The following CEP170B variants were observed in gnomAD, a reference collection of about 807,000 sequenced individuals.
CEP170B encodes centrosomal protein of 170 kDa protein B.
In CEP170B, 55 loss-of-function variants were observed where a neutral mutation model predicts 120.6. That is an observed-to-expected ratio of 0.46 (90% CI 0.37 to 0.57). CEP170B has a LOEUF of 0.57. Ranked by LOEUF, CEP170B falls within the 20% of genes least tolerant of loss-of-function variation. CEP170B has a pLI of 0.00. For missense variants in CEP170B, 2,212 were observed against 2,253.3 expected, an observed-to-expected ratio of 0.98 and a Z score of 0.37; for synonymous variants, 1,033 against 954.5, an observed-to-expected ratio of 1.08 and a Z score of -1.52.
Position 104,886,868 on chromosome 14 carries a change from C to T in CEP170B, c.2629C>T (p.Pro877Ser). The T allele has an allele frequency of 6.2e-7, 1 of 1,610,566 alleles. No individual in the cohort carries two copies. Among genetic ancestry groups the T allele is most frequent in the Non-Finnish European group, 8.5e-7 (1 of 1,179,800 alleles). Residue 877 changes from proline to serine, a missense_variant, in exon 12 of 19, where the codon CCC becomes TCC. Pro to Ser is a moderately conservative substitution (Grantham distance 74, BLOSUM62 -1). Around this residue, in one of 2 missense-constraint regions of CEP170B, gnomAD observed 2,166 missense variants for 2,166.7 expected, o/e 1.00. Transcript: ENST00000414716. ...ESFTKEPASG[P>S]PAPGKPPHIS... Reference sequence around the variant, plus strand: ...CTTCACTAAGGAGCCAGCCAGTGGTCCCCCAGCGCCCGGCAAGCCCCCCCA... The same window carrying T: ...CTTCACTAAGGAGCCAGCCAGTGGTTCCCCAGCGCCCGGCAAGCCCCCCCA...
At chr14:104,892,089 G>T (rs1481679834) in intron 13 of CEP170B, among the ~76,000 whole-genome samples, 1 of 152,134 alleles carries the variant, frequency 6.6e-6, no homozygotes, top group Non-Finnish European at 1.5e-5. Flanking sequence ...GGCCGAGGAG[G>T]CTTGGGGTGG....
upstream of CEP170B, among the ~76,000 whole-genome samples, chr14:104,865,095 T>G (rs1334888423): frequency 6.7e-6 from 1 of 150,348 alleles, no homozygotes; most frequent in Non-Finnish European, 1.5e-5. This position sits in a 1 kb window ranked among gnomAD's most constrained non-coding sequence, Gnocchi z 6.7. Flanking sequence ...GCCAAGCCTC[T>G]GCCGACCGGA....
At position 104,887,252 on chromosome 14, in the gene CEP170B, G is replaced by A; in HGVS notation, c.3013G>A (p.Glu1005Lys). 6.2e-7 allele frequency: 1 copy of A among 1,607,594 alleles called. No individual in the cohort carries two copies. Reference sequence around the variant, plus strand: ...AGGCACCGCCCTGGTCAGTGCCCGTGAGCAGTCCTCAGAGAGGCAGCATCA... The same window carrying A: ...AGGCACCGCCCTGGTCAGTGCCCGTAAGCAGTCCTCAGAGAGGCAGCATCA... ...PGGTALVSAR[E>K]QSSERQHHPL... Residue 1005 changes from glutamate to lysine, a missense_variant, in exon 12 of 19, where the codon GAG becomes AAG. By Grantham distance (56) the Glu-to-Lys change is moderately conservative (BLOSUM62 1). This residue lies in a region of CEP170B where 2,166 missense variants were observed against 2,166.7 expected (regional missense o/e 1.00). Coordinates refer to ENST00000414716, the MANE Select transcript of CEP170B (RefSeq NM_001112726.3).
Position 104,886,086 on chromosome 14 carries a change from G to T in CEP170B, c.1991G>T (p.Arg664Leu). The change falls in exon 11 of 19, where the codon CGC (arginine) becomes CTC (leucine). Residue 664 changes from arginine to leucine, a missense_variant. By Grantham distance (102) the Arg-to-Leu change is moderately radical. Transcript: ENST00000414716. ...CCTGGGGGTCAGAAGTGGGTGTCCC[G>T]CTGGGCCAGCCTGGCTGACAGCTAC... ...GSPGGQKWVS[R>L]WASLADSYSD... is the part of the protein sequence containing the mutation. 1 of 1,546,502 alleles carries T rather than the reference G, an allele frequency of 6.5e-7. No homozygotes were observed.
rs758126565 is a variant in CEP170B at position 104,878,478 on chromosome 14, C to T, written c.310C>T (p.Arg104Ter). The change falls in exon 5 of 19, where the codon CGA becomes TGA. Residue 104 changes from arginine to a stop codon, truncating the protein, a stop_gained. Coordinates refer to ENST00000414716, the MANE Select transcript of CEP170B (RefSeq NM_001112726.3). LOFTEE classifies it high-confidence loss of function. ...GTATGTGCTGGAGCGTGTGCAGCAC[C>T]GAGTCCCGGAGGAGGCACTCAAGGT... Reference protein sequence around the residue: ...NMYVLERVQHRVPEEALKHEK... With the variant: ...NMYVLERVQH 3.7e-6 allele frequency: 6 copies of T among 1,611,948 alleles called. No homozygotes were observed. Among genetic ancestry groups the T allele is most frequent in the East Asian group, 2.2e-5 (1 of 44,900 alleles).
At chr14:104,885,304 T>G in intron 9 of CEP170B, 65 bp from the exon 10 acceptor site, 1 of 1,460,494 alleles carries the variant, frequency 6.8e-7, no homozygotes, top group African/African-American at 1.4e-5. Context: ...GTGGCCAGTG[T>G]CAGTGGAGGG....
intron 2 of CEP170B, among the ~76,000 whole-genome samples, chr14:104,873,505 C>T (rs867563089): frequency 1.3e-5 from 2 of 151,716 alleles, no homozygotes; most frequent in South Asian, 2.1e-4. Context: ...CGAGGGCTGC[C>T]GAGAGGAAGA....
rs1436826024 is a variant in CEP170B at position 104,872,647 on chromosome 14, C to A, written c.106-3609C>A. On this transcript the variant is annotated intron_variant, in intron 2 of 18. Transcript: ENST00000414716. ...CTGGGATTTGCACTCTTGCGTGCTG[C>A]CCCAGAGACCACAGCCTGGGCAGGC... 3.9e-5 allele frequency among the ~76,000 whole-genome samples: 6 copies of A among 152,224 alleles called. No homozygotes were observed. The East Asian group carries it at 9.7e-4, about 25-fold the overall frequency.
rs1895290865 is a variant in CEP170B at position 104,868,261 on chromosome 14, C to T, written c.-27-163C>T. ...AAAGGCCTGGCAGTGGGACTCGGGACCATACCCAGGGAGGGCGGGTGGCCT... is the reference window on the plus strand; with the variant it reads ...AAAGGCCTGGCAGTGGGACTCGGGATCATACCCAGGGAGGGCGGGTGGCCT... On this transcript the variant is annotated intron_variant, in intron 1 of 18. Transcript: ENST00000414716. The surrounding 1 kb of genome is among the most constrained non-coding windows in gnomAD (Gnocchi z 5.9). Among the ~76,000 whole-genome samples the T allele has an allele frequency of 6.6e-6, 1 of 152,148 alleles. No individual in the cohort carries two copies. The highest frequency in any genetic ancestry group is 1.5e-5 in the Non-Finnish European group (1 of 68,020).
chr14:104,893,753 T>C lies in CEP170B; in HGVS notation c.4183-8T>C. On this transcript the variant is annotated splice_region_variant and splice_polypyrimidine_tract_variant and intron_variant, in intron 15 of 18. Transcript: ENST00000414716. ...GGGCGGGGCCATGCTGAGGCCGGGCTCTTGCAGGTGATCTTCGATAACCTG... is the reference window on the plus strand; with the variant it reads ...GGGCGGGGCCATGCTGAGGCCGGGCCCTTGCAGGTGATCTTCGATAACCTG... 1.2e-6 allele frequency: 2 copies of C among 1,604,964 alleles called. No homozygotes were observed. The highest frequency in any genetic ancestry group is 2.2e-5 in the South Asian group (2 of 89,484).
At chr14:104,889,857 A>G (rs1247580395) in intron 13 of CEP170B, 99 bp downstream of exon 13, 4 of 1,292,018 alleles carry the variant, frequency 3.1e-6, no homozygotes, top group Non-Finnish European at 4.3e-6. Flanking sequence ...TCCCTTCTTG[A>G]GTGGATAGAT....
At chr14:104,873,342 T>G in intron 2 of CEP170B, among the ~76,000 whole-genome samples, 3 of 151,456 alleles carry the variant, frequency 2.0e-5, no homozygotes, top group Non-Finnish European at 1.5e-5. Flanking sequence ...GGGCTTGGAC[T>G]GAAGGTGAGA....
chr14:104,890,946 T>G (rs1595359042), intron 13 of CEP170B, among the ~76,000 whole-genome samples: 4 of 63,230 alleles, frequency 6.3e-5, no homozygotes, highest in Non-Finnish European at 8.7e-5. Flanking sequence ...GATGGATGGG[T>G]GGGTGGGTGG....
chr14:104,881,622 G>A (rs939022421), intron 6 of CEP170B, among the ~76,000 whole-genome samples: 2 of 152,210 alleles, frequency 1.3e-5, no homozygotes, highest in Non-Finnish European at 2.9e-5. Flanking sequence ...GTGTGGGGCT[G>A]TCCCGGAGGT....
At position 104,886,371 on chromosome 14, in the gene CEP170B, GC is replaced by G; in HGVS notation, c.2135del (p.Pro712LeufsTer111). The G allele has an allele frequency of 6.3e-7, 1 of 1,579,538 alleles. No homozygotes were observed. The highest frequency in any genetic ancestry group is 8.6e-7 in the Non-Finnish European group (1 of 1,164,732). On this transcript the variant is annotated frameshift_variant, in exon 12 of 19. Coordinates refer to ENST00000414716, the MANE Select transcript of CEP170B (RefSeq NM_001112726.3). LOFTEE classifies it high-confidence loss of function. ...CAGCTGCCCAGTGAGAGGGCTGACA[GC>G]CCTGCGGGCCCAGAGAGCAGCAGGA... ...LPQLPSERADSPAGPESSRRS... is the reference protein window; with the variant it reads ...LPQLPSERADXPAGPESSRRS...
intron 2 of CEP170B, among the ~76,000 whole-genome samples, chr14:104,869,272 G>T (rs959539272): frequency 6.6e-6 from 1 of 152,172 alleles, no homozygotes; most frequent in African/African-American, 2.4e-5. Context: ...CCCTGTCCTG[G>T]CTCATCCCCC....
chr14:104,868,353 G>A lies in CEP170B; in HGVS notation c.-27-71G>A. ...CCTTAGAGGGTCAGGATCTGGGCTG[G>A]GCCTTGGATGTGTCCAGGGGGCTAA... On this transcript the variant is annotated intron_variant, in intron 1 of 18. Coordinates refer to ENST00000414716, the MANE Select transcript of CEP170B (RefSeq NM_001112726.3). The surrounding 1 kb of genome is among the most constrained non-coding windows in gnomAD (Gnocchi z 5.9). The A allele has an allele frequency of 9.3e-7, 1 of 1,079,540 alleles. No individual in the cohort carries two copies. The highest frequency in any genetic ancestry group is 1.3e-6 in the Non-Finnish European group (1 of 747,762). The allele number at this position is 1,079,540 out of a possible 1,614,324, so 66.9% of individuals were successfully genotyped here.
Position 104,887,028 on chromosome 14 carries a change from C to T in CEP170B, c.2789C>T (p.Ser930Phe), listed in dbSNP as rs1275693208. Reference sequence around the variant, plus strand: ...GCGGCCCTGGAGGCCCGACTCCTCTCTAATTCTGTGGATGCCGAGTGTGAG... The same window carrying T: ...GCGGCCCTGGAGGCCCGACTCCTCTTTAATTCTGTGGATGCCGAGTGTGAG... ...ALAALEARLL[S>F]NSVDAECEGG... is the part of the protein sequence containing the mutation. Residue 930 changes from serine (S) to phenylalanine (F), a missense_variant, in exon 12 of 19, where the codon TCT becomes TTT. Around this residue, in one of 2 missense-constraint regions of CEP170B, gnomAD observed 2,166 missense variants for 2,166.7 expected, o/e 1.00. Coordinates refer to ENST00000414716, the MANE Select transcript of CEP170B (RefSeq NM_001112726.3). The T allele has an allele frequency of 6.2e-7, 1 of 1,611,156 alleles. No individual in the cohort carries two copies. The highest frequency in any genetic ancestry group is 8.5e-7 in the Non-Finnish European group (1 of 1,179,832).
chr14:104,865,034 G>A (rs1420891758), upstream of CEP170B, among the ~76,000 whole-genome samples: 1 of 149,162 alleles, frequency 6.7e-6, no homozygotes, highest in African/African-American at 2.5e-5. The surrounding 1 kb of genome is among the most constrained non-coding windows in gnomAD (Gnocchi z 6.7). Flanking sequence ...GGCCAGCGGG[G>A]CCTGGGCGGT....
Sources: allele counts gnomAD v4.1 joint callset (sites outside exome capture counted in the v4.1 genomes callset), GRCh38; gene constraint gnomAD v4.1.1; regional missense constraint gnomAD v4.1.1; non-coding constraint Gnocchi (gnomAD v3.1); transcripts MANE v1.5; gene names NCBI Gene and HGNC (gene_info 2026-07-23, HGNC 2026-07-21).